The following CPQ variants were observed in gnomAD, a reference collection of about 807,000 sequenced individuals.
The protein encoded by CPQ is Ser-Met dipeptidase.
In CPQ, 37 loss-of-function variants were observed where a neutral mutation model predicts 45.7. That is an observed-to-expected ratio of 0.81 (90% CI 0.62 to 1.07). The LOEUF is 1.07. CPQ is among the 50% of genes least tolerant of loss of function. The pLI is 0.00. For missense variants in CPQ, 537 were observed against 572.9 expected (o/e 0.94, Z 0.64); for synonymous variants, 186 against 205.8 (o/e 0.90, Z 0.82).
Position 96,856,252 on chromosome 8 carries a change from G to A in CPQ, c.641+21072G>A, listed in dbSNP as rs115192254. On this transcript the variant is annotated intron_variant, in intron 3 of 7. Coordinates refer to ENST00000220763, the MANE Select transcript of CPQ (RefSeq NM_016134.4). ...ATGTTGTAAGAAGTACAGACATGTA[G>A]GAGGCTATTCCAATAGTCCAGGTGA... is the stretch of plus-strand genomic sequence containing the variant. Among the ~76,000 whole-genome samples, 706 of 152,318 alleles carry A rather than the reference G, an allele frequency of 4.6e-3. 7 individuals are homozygous for A. Among genetic ancestry groups the A allele is most frequent in the African/African-American group, 0.016 (674 of 41,556 alleles).
At position 96,811,891 on chromosome 8, in the gene CPQ, G is replaced by A. The variant is rs961545337; in HGVS notation, c.434-23082G>A. Among the ~76,000 whole-genome samples, 15 of 152,226 alleles carry A rather than the reference G, an allele frequency of 9.9e-5. 1 individual carries two copies. The highest frequency in any genetic ancestry group is 3.9e-4 in the East Asian group (2 of 5,178). On this transcript the variant is annotated intron_variant, in intron 2 of 7. Coordinates refer to ENST00000220763, the MANE Select transcript of CPQ (RefSeq NM_016134.4). ...AAATCGGAGTTTCCCATGAGTGACC[G>A]TAAAAATTGGAGGAAGTGGAAAGAA...
chr8:97,134,966 T>A (rs563165781), intron 7 of CPQ, among the ~76,000 whole-genome samples: 1 of 152,332 alleles, frequency 6.6e-6, no homozygotes, highest in East Asian at 1.9e-4. Flanking sequence ...GTAGTACTGA[T>A]TAACTAGTCT....
At chr8:97,115,883 T>C (rs1009142301) in intron 7 of CPQ, among the ~76,000 whole-genome samples, 1 of 152,204 alleles carries the variant, frequency 6.6e-6, no homozygotes, top group Non-Finnish European at 1.5e-5. Context: ...TGGTTATAAT[T>C]GTTTTTTTAA....
At chr8:96,698,001 A>G (rs555743401) in intron 1 of CPQ, among the ~76,000 whole-genome samples, 3 of 152,204 alleles carry the variant, frequency 2.0e-5, no homozygotes, top group African/African-American at 7.2e-5. Flanking sequence ...TAGAAAAAAC[A>G]ATCCTAAAAT....
chr8:96,652,948 T>C (rs962852497), intron 1 of CPQ, among the ~76,000 whole-genome samples: 2 of 152,220 alleles, frequency 1.3e-5, no homozygotes, highest in African/African-American at 2.4e-5. Context: ...AATTTTGTTT[T>C]TGAGGCAGGA....
At chr8:96,678,755 G>T (rs1208542162) in intron 1 of CPQ, among the ~76,000 whole-genome samples, 2 of 70,706 alleles carry the variant, frequency 2.8e-5, no homozygotes, top group African/African-American at 5.6e-5. Context: ...GGGATTATTT[G>T]GGCTTTTTTT....
chr8:96,803,563 T>G (rs901337873), intron 2 of CPQ, among the ~76,000 whole-genome samples: 20 of 152,180 alleles, frequency 1.3e-4, no homozygotes, highest in Non-Finnish European at 2.5e-4. Flanking sequence ...GGAGGTAAGT[T>G]AGCTGAAGCC....
At chr8:96,748,620 AT>A (rs1810220452) in intron 1 of CPQ, among the ~76,000 whole-genome samples, 1 of 152,082 alleles carries the variant, frequency 6.6e-6, no homozygotes, top group Admixed American at 6.6e-5. Context: ...TACCTAATAT[AT>A]TTTCTATCTT....
intron 6 of CPQ, among the ~76,000 whole-genome samples, chr8:97,058,002 A>G (rs1303256551): frequency 6.6e-6 from 1 of 152,180 alleles, no homozygotes; most frequent in African/African-American, 2.4e-5. Flanking sequence ...AAGAAGAAGG[A>G]AAGGCCCGCC....
intron 4 of CPQ, among the ~76,000 whole-genome samples, chr8:96,921,275 G>T (rs1044232823): frequency 2.0e-4 from 30 of 152,020 alleles, no homozygotes; most frequent in Non-Finnish European, 3.5e-4. Flanking sequence ...TCATTCATTT[G>T]TGCAACTGAC....
intron 2 of CPQ, among the ~76,000 whole-genome samples, chr8:96,816,394 G>T (rs1016272926): frequency 4.6e-5 from 7 of 152,112 alleles, no homozygotes; most frequent in African/African-American, 1.7e-4. Flanking sequence ...TAGTTCTTTT[G>T]TTATTTCTCC....
chr8:96,741,777 G>C (rs1810095598), intron 1 of CPQ, among the ~76,000 whole-genome samples: 2 of 151,614 alleles, frequency 1.3e-5, no homozygotes, highest in African/African-American at 4.8e-5. Context: ...TCATGTAGTT[G>C]AGCGGTTTTG....
chr8:96,689,891 T>C (rs2464479), intron 1 of CPQ, among the ~76,000 whole-genome samples: 108,032 of 151,942 alleles, frequency 0.71, 38,822 homozygotes, highest in Middle Eastern at 0.82. Flanking sequence ...CTTGGTTATT[T>C]ACATTTTATT....
intron 7 of CPQ, among the ~76,000 whole-genome samples, chr8:97,108,318 A>G (rs963432707): frequency 6.6e-6 from 1 of 152,302 alleles, no homozygotes; most frequent in African/African-American, 2.4e-5. Flanking sequence ...CTGACTTATG[A>G]TATAACAGGC....
chr8:97,030,072 C>T (rs1809874346), intron 6 of CPQ, among the ~76,000 whole-genome samples: 4 of 152,158 alleles, frequency 2.6e-5, no homozygotes, highest in Admixed American at 2.6e-4. Flanking sequence ...AAATACAAGA[C>T]CACATGGAAG....
chr8:96,868,644 G>T (rs370230663), intron 3 of CPQ, among the ~76,000 whole-genome samples: 1 of 151,852 alleles, frequency 6.6e-6, no homozygotes, highest in East Asian at 1.9e-4. Context: ...ATATGAAAAT[G>T]AGAAAATTCA....
At chr8:96,900,754 A>G (rs1482854367) in intron 4 of CPQ, among the ~76,000 whole-genome samples, 1 of 152,196 alleles carries the variant, frequency 6.6e-6, no homozygotes, top group Admixed American at 6.5e-5. Flanking sequence ...GATTTGTTCT[A>G]TATTCAGACT....
At chr8:96,705,638 T>G (rs1809522377) in intron 1 of CPQ, among the ~76,000 whole-genome samples, 1 of 152,154 alleles carries the variant, frequency 6.6e-6, no homozygotes, top group Non-Finnish European at 1.5e-5. Flanking sequence ...GCCAAGAGTC[T>G]GGTGTCTACT....
intron 3 of CPQ, among the ~76,000 whole-genome samples, chr8:96,873,624 A>C (rs1339128218): frequency 6.6e-6 from 1 of 151,806 alleles, no homozygotes; most frequent in East Asian, 1.9e-4. Flanking sequence ...GCTTTAAAAA[A>C]AACTCTATGG....
Sources: gnomAD v4.1 joint callset for allele counts (sites outside exome capture counted in the v4.1 genomes callset) on GRCh38, gnomAD v4.1.1 for gene constraint, MANE v1.5 for transcripts, NCBI Gene and HGNC (gene_info 2026-07-23, HGNC 2026-07-21) for gene names.